Variants in PDS5A observed in about 807,000 individuals in gnomAD.
The protein encoded by PDS5A is sister chromatid cohesion protein PDS5 homolog A.
In PDS5A, 42 loss-of-function variants were observed where a neutral mutation model predicts 167.1. The ratio of observed to expected loss-of-function variants is 0.25; its 90% CI spans 0.20 to 0.33. The LOEUF is 0.33. Ranked by LOEUF, PDS5A falls within the 10% of genes least tolerant of loss-of-function variation. The probability of loss-of-function intolerance (pLI) is 1.00; values close to 1 mark genes in which losing one functional copy is unlikely to be tolerated. For missense variants in PDS5A, 1,033 were observed against 1,605.9 expected, an observed-to-expected ratio of 0.64 and a Z score of 6.10; for synonymous variants, 553 against 554.6, an observed-to-expected ratio of 1.00 and a Z score of 0.04.
intron 16 of PDS5A, among the ~76,000 whole-genome samples, chr4:39,897,450 G>A (rs1722510600): frequency 6.6e-6 from 1 of 152,136 alleles, no homozygotes; most frequent in African/African-American, 2.4e-5. Context: ...TCAGGCTGGT[G>A]TGCAGTGGCA....
chr4:39,851,776 G>A (rs1578606093), intron 26 of PDS5A, among the ~76,000 whole-genome samples: 4 of 152,146 alleles, frequency 2.6e-5, no homozygotes, highest in African/African-American at 7.2e-5. Context: ...CGGTTCTATA[G>A]GTTTGAGGAT....
intron 2 of PDS5A, among the ~76,000 whole-genome samples, chr4:39,949,822 A>G (rs867682820): frequency 5.5e-5 from 2 of 36,326 alleles, no homozygotes; most frequent in Admixed American, 3.5e-4. Flanking sequence ...TCTGTCTCAG[A>G]AAAAAAAAAA....
At chr4:39,898,698 A>C in intron 15 of PDS5A, 79 bp downstream of exon 15, 1 of 973,548 alleles carries the variant, frequency 1.0e-6, no homozygotes, top group Non-Finnish European at 1.5e-6. Flanking sequence ...CTTAACATTA[A>C]ATCAGTAGTC....
At chr4:39,945,207 T>C (rs917577158) in intron 2 of PDS5A, among the ~76,000 whole-genome samples, 1 of 152,134 alleles carries the variant, frequency 6.6e-6, no homozygotes, top group Middle Eastern at 3.4e-3. Context: ...ACACCTGTAA[T>C]CCCAGCACTT....
Position 39,930,246 on chromosome 4 carries a change from A to AAAAAAAAAAAAAT in PDS5A, c.139-2083_139-2082insATTTTTTTTTTTT. On this transcript the variant is annotated intron_variant, in intron 2 of 32. Transcript: ENST00000303538. Reference sequence around the variant, plus strand: ...AAAAAAAAAAAAAAAAAAAAAAAAAAGTTTTTTTGTTTTTTGTTTTTTTTT... The same window carrying AAAAAAAAAAAAAT: ...AAAAAAAAAAAAAAAAAAAAAAAAAAAAAAAAAAAAAATGTTTTTTTGTTTTTTGTTTTTTTTT... 3.2e-4 allele frequency among the ~76,000 whole-genome samples: 30 copies of AAAAAAAAAAAAAT among 93,072 alleles called. 1 individual carries two copies. Among genetic ancestry groups the AAAAAAAAAAAAAT allele is most frequent in the Non-Finnish European group, 5.8e-4 (26 of 44,456 alleles). The allele number at this position is 93,072 out of a possible 152,430, so 61.1% of individuals were successfully genotyped here. A position where few individuals can be genotyped will look rare whatever the true frequency, so the allele number is the denominator to read the frequency against.
intron 21 of PDS5A, among the ~76,000 whole-genome samples, chr4:39,871,714 TA>T (rs199557896): frequency 6.6e-6 from 1 of 152,206 alleles, no homozygotes; most frequent in African/African-American, 2.4e-5. Flanking sequence ...TTTATTTATT[TA>T]TTTTTTTGAG....
At position 39,977,484 on chromosome 4, in the gene PDS5A, TCGAG is replaced by T; in HGVS notation, c.-72_-69del. 1 of 154,236 alleles carries T rather than the reference TCGAG, an allele frequency of 6.5e-6. No homozygotes were observed. The highest frequency in any genetic ancestry group is 1.4e-5 in the Non-Finnish European group (1 of 69,534). The allele number at this position is 154,236 out of a possible 1,614,324, so 9.6% of individuals were successfully genotyped here. A position where few individuals can be genotyped will look rare whatever the true frequency, so the allele number is the denominator to read the frequency against. ...CCTCCTCATGCGGGCGGAAGGTGCA[TCGAG>T]CGCCCGGGCCTCTGTCAGGTGGTTG... On this transcript the variant is annotated 5_prime_UTR_variant, in exon 1 of 33. Transcript: ENST00000303538. This position sits in a 1 kb window ranked among gnomAD's most constrained non-coding sequence, Gnocchi z 4.2.
At chr4:39,958,093 T>C (rs1040166246) in intron 2 of PDS5A, among the ~76,000 whole-genome samples, 1 of 152,122 alleles carries the variant, frequency 6.6e-6, no homozygotes, top group African/African-American at 2.4e-5. Flanking sequence ...GGTTTCACCA[T>C]GCTACCCAAG....
rs189985201 is a variant in PDS5A at position 39,972,967 on chromosome 4, G to A, written c.138+3473C>T. On this transcript the variant is annotated intron_variant, in intron 2 of 32. Transcript: ENST00000303538. ...GTAATCTAGGACTAATATTATGTTTGCTAGACCTGGCATTTGCTCGGTACA... is the reference window on the plus strand; with the variant it reads ...GTAATCTAGGACTAATATTATGTTTACTAGACCTGGCATTTGCTCGGTACA... Among the ~76,000 whole-genome samples the A allele has an allele frequency of 7.7e-3, 1,175 of 151,856 alleles. 10 individuals carry two copies. Among genetic ancestry groups the A allele is most frequent in the South Asian group, 0.015 (71 of 4,814 alleles).
chr4:39,867,672 A>G (rs1578635325), intron 22 of PDS5A, among the ~76,000 whole-genome samples: 1 of 151,604 alleles, frequency 6.6e-6, no homozygotes, highest in Admixed American at 6.6e-5. Flanking sequence ...GTGAGCTGAG[A>G]TTGTGCCACT....
chr4:39,944,838 G>A (rs1255105403), intron 2 of PDS5A, among the ~76,000 whole-genome samples: 1 of 151,992 alleles, frequency 6.6e-6, no homozygotes. Context: ...GAGTGAAGAC[G>A]ATATGATACA....
At chr4:39,826,359 T>C (rs1050351875) in intron 32 of PDS5A, among the ~76,000 whole-genome samples, 4 of 152,132 alleles carry the variant, frequency 2.6e-5, no homozygotes, top group East Asian at 1.9e-4. Flanking sequence ...CATGTTGGGA[T>C]TGACTTCATC....
chr4:39,874,798 C>A (rs534133638), intron 19 of PDS5A, among the ~76,000 whole-genome samples: 82 of 152,134 alleles, frequency 5.4e-4, no homozygotes, highest in African/African-American at 1.9e-3. Flanking sequence ...AAAGTAGCTA[C>A]AGAAAGAGAG....
At chr4:39,930,246 A>AAAAAAAAAAAAAAAAGTT in intron 2 of PDS5A, among the ~76,000 whole-genome samples, 1 of 93,090 alleles carries the variant, frequency 1.1e-5, no homozygotes, top group Non-Finnish European at 2.2e-5. Context: ...AAAAAAAAAA[A>AAAAAAAAAAAAAAAAGTT]GTTTTTTTGT....
At chr4:39,920,690 C>G (rs1305725954) in intron 6 of PDS5A, among the ~76,000 whole-genome samples, 1 of 152,096 alleles carries the variant, frequency 6.6e-6, no homozygotes, top group Non-Finnish European at 1.5e-5. Flanking sequence ...CAAAACAGAC[C>G]TAATGCTTTT....
At chr4:39,833,212 A>AAAG (rs1716082968) in intron 32 of PDS5A, among the ~76,000 whole-genome samples, 1 of 147,570 alleles carries the variant, frequency 6.8e-6, no homozygotes, top group Admixed American at 6.8e-5. Flanking sequence ...AAAAAAAAAA[A>AAAG]AAAAGAAAAA....
chr4:39,907,322 C>T (rs1723467798), intron 11 of PDS5A, among the ~76,000 whole-genome samples: 1 of 152,052 alleles, frequency 6.6e-6, no homozygotes, highest in Non-Finnish European at 1.5e-5. Flanking sequence ...AAAGTAAAAA[C>T]TTAAAGAATA....
At chr4:39,954,670 T>TAAAAAAAAAAAAAAAAA (rs777287409) in intron 2 of PDS5A, among the ~76,000 whole-genome samples, 3 of 48,276 alleles carry the variant, frequency 6.2e-5, no homozygotes, top group African/African-American at 2.4e-4. Context: ...AAGAGATAAG[T>TAAAAAAAAAAAAAAAAA]AAAAAAAAAA....
At chr4:39,859,343 G>A (rs1356994276) in intron 26 of PDS5A, among the ~76,000 whole-genome samples, 1 of 152,020 alleles carries the variant, frequency 6.6e-6, no homozygotes, top group Non-Finnish European at 1.5e-5. Flanking sequence ...TGCAGTAACT[G>A]GATCAGAGCT....
Sources: allele counts gnomAD v4.1 joint callset (sites outside exome capture counted in the v4.1 genomes callset), GRCh38; gene constraint gnomAD v4.1.1; non-coding constraint Gnocchi (gnomAD v3.1); transcripts MANE v1.5; gene names NCBI Gene and HGNC (gene_info 2026-07-23, HGNC 2026-07-21).